The following VPS13D variants were observed in gnomAD, a reference collection of about 807,000 sequenced individuals.
VPS13D encodes intermembrane lipid transfer protein VPS13D.
Under a neutral mutation model 461.9 loss-of-function variants are expected in VPS13D, and 187 were observed. That is an observed-to-expected ratio of 0.40 (90% CI 0.36 to 0.46). The LOEUF (loss-of-function observed/expected upper bound fraction) is 0.46. VPS13D is among the 20% of genes least tolerant of loss of function. VPS13D has a pLI of 0.60. For missense variants in VPS13D, 4,711 were observed against 5,364.9 expected, an observed-to-expected ratio of 0.88 and a Z score of 3.81; for synonymous variants, 1,951 against 1,986.3, an observed-to-expected ratio of 0.98 and a Z score of 0.47.
intron 65 of VPS13D, among the ~76,000 whole-genome samples, chr1:12,449,108 G>A (rs1645229539): frequency 3.3e-5 from 5 of 152,014 alleles, no homozygotes; most frequent in Non-Finnish European, 7.4e-5. Context: ...CTTAGGGTAG[G>A]AGGGCTTTTA....
rs1331791784 is a variant in VPS13D at position 12,511,673 on chromosome 1, G to A, written c.*2649G>A. 1 of 152,306 alleles carries A rather than the reference G, an allele frequency of 6.6e-6. No individual in the cohort carries two copies. Among genetic ancestry groups the A allele is most frequent in the African/African-American group, 2.4e-5 (1 of 41,466 alleles). 9.4% of individuals were successfully genotyped at this position (152,306 alleles called of 1,614,324 possible). ...GACCCAGCACAGTTGGCCGACCCGTGTCACTCCCTGGCTGTCGCTGCTTCT... is the reference window on the plus strand; with the variant it reads ...GACCCAGCACAGTTGGCCGACCCGTATCACTCCCTGGCTGTCGCTGCTTCT... On this transcript the variant is annotated 3_prime_UTR_variant, in exon 70 of 70. Transcript: ENST00000620676. This position sits in a 1 kb window ranked among gnomAD's most constrained non-coding sequence, Gnocchi z 4.5.
intron 16 of VPS13D, among the ~76,000 whole-genome samples, chr1:12,270,087 C>T (rs890474676): frequency 2.6e-5 from 4 of 151,460 alleles, no homozygotes; most frequent in Non-Finnish European, 5.9e-5. Context: ...GCTGGGAGTT[C>T]GAGGCTGCAG....
At chr1:12,353,910 T>C (rs1330037922) in intron 46 of VPS13D, 64 bp from the exon 47 acceptor site, 5 of 1,538,384 alleles carry the variant, frequency 3.3e-6, no homozygotes, top group Non-Finnish European at 4.4e-6. Flanking sequence ...CATACTTAGC[T>C]AAGGAGAAAA....
Position 12,373,874 on chromosome 1 carries a change from A to G in VPS13D, c.10917+16A>G, listed in dbSNP as rs1157779522. The G allele has an allele frequency of 6.3e-7, 1 of 1,591,098 alleles. No homozygotes were observed. The highest frequency in any genetic ancestry group is 2.3e-5 in the East Asian group (1 of 43,206). On this transcript the variant is annotated intron_variant, in intron 55 of 69. Coordinates refer to ENST00000620676, the MANE Select transcript of VPS13D (RefSeq NM_015378.4). ...AAAAAAGAAGGTAAGAGAGCTTACA[A>G]TCAGAGTTTAGAATACAAGGTTTTT...
intron 31 of VPS13D, among the ~76,000 whole-genome samples, chr1:12,318,643 G>A (rs927618893): frequency 6.6e-6 from 1 of 152,084 alleles, no homozygotes; most frequent in East Asian, 1.9e-4. Context: ...GTAATTTGCC[G>A]TTTGATCTTT....
At chr1:12,235,200 A>G (rs1640107243) in intron 2 of VPS13D, among the ~76,000 whole-genome samples, 1 of 152,198 alleles carries the variant, frequency 6.6e-6, no homozygotes, top group Admixed American at 6.5e-5. Context: ...TGGTAAGTGG[A>G]CCAGAGCAGG....
Position 12,349,322 on chromosome 1 carries a change from A to G in VPS13D, c.9379A>G (p.Ser3127Gly), listed in dbSNP as rs764303149. 2 of 1,614,154 alleles carry G rather than the reference A, an allele frequency of 1.2e-6. No homozygotes were observed. Among genetic ancestry groups the G allele is most frequent in the Admixed American group, 3.3e-5 (2 of 60,012 alleles). ...TNVVKTAEIS[S>G]SKRECHSMDT... ...TGTAGTGAAGACTGCAGAAATTAGT[A>G]GCAGTAAACGAGAGTGCCACTCTAT... Residue 3127 changes from serine (S) to glycine (G), a missense_variant, in exon 46 of 70, where the codon AGC becomes GGC. Ser to Gly is a moderately conservative substitution (Grantham distance 56, BLOSUM62 0). This residue lies in a region of VPS13D where 4,411 missense variants were observed against 4,937.8 expected (regional missense o/e 0.89). Transcript: ENST00000620676.
At position 12,511,960 on chromosome 1, in the gene VPS13D, CAGTGTGTGAAGACTCTTG is replaced by C. The variant is rs1646188382; in HGVS notation, c.*2940_*2957del. On this transcript the variant is annotated 3_prime_UTR_variant, in exon 70 of 70. Transcript: ENST00000620676. The surrounding 1 kb of genome is among the most constrained non-coding windows in gnomAD (Gnocchi z 4.5). ...ATTATGTAAACACTATTACAGTCACCAGTGTGTGAAGACTCTTGAGTCTGGTTCTCATATCAGAGTCAT... is the reference window on the plus strand; with the variant it reads ...ATTATGTAAACACTATTACAGTCACCAGTCTGGTTCTCATATCAGAGTCAT... 6.6e-6 allele frequency: 1 copy of C among 152,184 alleles called. No homozygotes were observed. The highest frequency in any genetic ancestry group is 6.5e-5 in the Admixed American group (1 of 15,284). 9.4% of individuals were successfully genotyped at this position (152,184 alleles called of 1,614,324 possible).
intron 2 of VPS13D, among the ~76,000 whole-genome samples, chr1:12,236,420 A>G (rs1461673638): frequency 1.3e-5 from 2 of 151,928 alleles, no homozygotes; most frequent in Non-Finnish European, 2.9e-5. Flanking sequence ...TCTTTCTGTC[A>G]CCCAGGCTGG....
intron 35 of VPS13D, among the ~76,000 whole-genome samples, chr1:12,324,141 T>TC (rs1643117526): frequency 6.6e-6 from 1 of 152,138 alleles, no homozygotes; most frequent in East Asian, 1.9e-4. Context: ...ACTCCTGACT[T>TC]CAAGTGATCT....
rs763304363 is a variant in VPS13D at position 12,276,680 on chromosome 1, C to T, written c.3092C>T (p.Pro1031Leu). Residue 1031 changes from proline (P) to leucine (L), a missense_variant, in exon 19 of 70, where the codon CCA (proline) becomes CTA (leucine). By Grantham distance (98) the Pro-to-Leu change is moderately conservative (BLOSUM62 -3). This residue lies in a region of VPS13D where 4,411 missense variants were observed against 4,937.8 expected (regional missense o/e 0.89). Transcript: ENST00000620676. This position sits in a 1 kb window ranked among gnomAD's most constrained non-coding sequence, Gnocchi z 4.5. ...CATAAGAACTTGAGCTTTGATATTC[C>T]AACGGGAAGCCTTCGGGATAGCAGG... ...ASHKNLSFDIPTGSLRDSRAQ... is the reference protein window; with the variant it reads ...ASHKNLSFDILTGSLRDSRAQ... The T allele has an allele frequency of 1.2e-6, 2 of 1,614,116 alleles. No individual in the cohort carries two copies. Among genetic ancestry groups the T allele is most frequent in the Non-Finnish European group, 1.7e-6 (2 of 1,180,024 alleles).
At chr1:12,268,433 C>T (rs1380177560) in intron 15 of VPS13D, among the ~76,000 whole-genome samples, 3 of 151,918 alleles carry the variant, frequency 2.0e-5, no homozygotes, top group African/African-American at 4.8e-5. Context: ...AGTGGAGCTG[C>T]GAACTTGGGG....
At chr1:12,260,087 G>A (rs189314533) in intron 10 of VPS13D, among the ~76,000 whole-genome samples, 3,008 of 136,840 alleles carry the variant, frequency 0.022, 145 homozygotes, top group Admixed American at 0.14. Flanking sequence ...GTGCAGTGGC[G>A]CCATCTCCAC....
intron 67 of VPS13D, among the ~76,000 whole-genome samples, chr1:12,471,495 A>G (rs1645562246): frequency 6.6e-6 from 1 of 152,200 alleles, no homozygotes; most frequent in Non-Finnish European, 1.5e-5. Flanking sequence ...CTGCTCCCTC[A>G]GAGGCAATCA....
intron 68 of VPS13D, among the ~76,000 whole-genome samples, chr1:12,498,720 A>G (rs1645994274): frequency 6.6e-6 from 1 of 152,158 alleles, no homozygotes; most frequent in Admixed American, 6.5e-5. Flanking sequence ...TCCAGGATCA[A>G]GGCATCTTCT....
At chr1:12,362,576 A>G in intron 50 of VPS13D, 144 bp from the exon 51 acceptor site, 1 of 820,446 alleles carries the variant, frequency 1.2e-6, no homozygotes. Flanking sequence ...TTTTCATTAC[A>G]TTCCTAGAAG....
At chr1:12,275,329 C>T (rs61527152) in intron 18 of VPS13D, among the ~76,000 whole-genome samples, 1,710 of 152,208 alleles carry the variant, frequency 0.011, 27 homozygotes, top group African/African-American at 0.039. Flanking sequence ...ACAGTAGAAT[C>T]GCTTAAACCT....
At chr1:12,455,269 G>A (rs930604387) in intron 65 of VPS13D, among the ~76,000 whole-genome samples, 3 of 152,120 alleles carry the variant, frequency 2.0e-5, no homozygotes, top group African/African-American at 4.8e-5. Context: ...ATTACTGGAG[G>A]GAGTTTGATG....
In VPS13D at chr1:12,318,299, C is replaced by T. The variant is rs1350780335; in HGVS notation, c.7376C>T (p.Ser2459Phe). 2 of 1,612,602 alleles carry T rather than the reference C, an allele frequency of 1.2e-6. No individual in the cohort carries two copies. Among genetic ancestry groups the T allele is most frequent in the East Asian group, 2.2e-5 (1 of 44,842 alleles). The change falls in exon 31 of 70, where the codon TCC becomes TTC. Residue 2459 changes from serine to phenylalanine, a missense_variant. This residue lies in a region of VPS13D where 4,411 missense variants were observed against 4,937.8 expected (regional missense o/e 0.89). Coordinates refer to ENST00000620676, the MANE Select transcript of VPS13D (RefSeq NM_015378.4). ...VVTKRSSLPV[S>F]NERHLEVKVN... Reference sequence around the variant, plus strand: ...ACCAAGCGGTCTTCCCTTCCTGTGTCCAATGAAAGGCACCTGGAGGTCAAG... The same window carrying T: ...ACCAAGCGGTCTTCCCTTCCTGTGTTCAATGAAAGGCACCTGGAGGTCAAG...
Sources: allele counts gnomAD v4.1 joint callset (sites outside exome capture counted in the v4.1 genomes callset), GRCh38; gene constraint gnomAD v4.1.1; regional missense constraint gnomAD v4.1.1; non-coding constraint Gnocchi (gnomAD v3.1); transcripts MANE v1.5; gene names NCBI Gene and HGNC (gene_info 2026-07-23, HGNC 2026-07-21).